GRIP1: variants seen among roughly 807,000 people sequenced by gnomAD.
GRIP1 encodes the protein glutamate receptor interacting protein 1.
GRIP1 carries 45 observed loss-of-function variants against 129.9 expected under a neutral mutation model. The observed-to-expected ratio is 0.35, with a 90% CI of 0.27 to 0.44. The LOEUF is 0.44. GRIP1 is among the 20% of genes least tolerant of loss of function. GRIP1 has a pLI of 1.00. For missense variants in GRIP1, 1,196 were observed against 1,396.8 expected (o/e 0.86, Z 2.29); for synonymous variants, 530 against 520.8 (o/e 1.02, Z -0.24).
rs1399033407 is a variant in GRIP1 at position 66,392,590 on chromosome 12, T to G, written c.2269+87A>C. 5.1e-6 allele frequency: 8 copies of G among 1,582,646 alleles called. No homozygotes were observed. In the Admixed American group the frequency reaches 1.0e-4, roughly 20 times the overall value. On this transcript the variant is annotated intron_variant, in intron 18 of 24. Coordinates refer to ENST00000359742, the MANE Select transcript of GRIP1 (RefSeq NM_001366722.1). ...CTCCGTGGCTAGAGATTTGTTTCCC[T>G]AGAATTACACACAGACACTAGCACA...
intron 7 of GRIP1, among the ~76,000 whole-genome samples, chr12:66,486,270 TA>T (rs1375786905): frequency 6.6e-6 from 1 of 150,876 alleles, no homozygotes; most frequent in African/African-American, 2.4e-5. Context: ...ACATGGTTTA[TA>T]TATATATATA....
chr12:66,962,324 T>C (rs763514011), intron 1 of GRIP1, among the ~76,000 whole-genome samples: 3 of 152,128 alleles, frequency 2.0e-5, no homozygotes, highest in Admixed American at 1.3e-4. Context: ...AACTTCCACA[T>C]TGAACTTCAA....
intron 1 of GRIP1, among the ~76,000 whole-genome samples, chr12:66,996,523 C>T (rs1479937564): frequency 6.6e-6 from 1 of 152,278 alleles, no homozygotes; most frequent in East Asian, 1.9e-4. Flanking sequence ...ACCTCTTCTA[C>T]ATCACAATTA....
chr12:66,700,582 G>A (rs1338176575), intron 1 of GRIP1, among the ~76,000 whole-genome samples: 1 of 152,122 alleles, frequency 6.6e-6, no homozygotes, highest in Non-Finnish European at 1.5e-5. Flanking sequence ...TGAGTAGCTA[G>A]GATGACAGGT....
intron 19 of GRIP1, among the ~76,000 whole-genome samples, chr12:66,380,832 G>A (rs2056072815): frequency 6.6e-6 from 1 of 152,174 alleles, no homozygotes; most frequent in Non-Finnish European, 1.5e-5. Flanking sequence ...GTTGTGACTT[G>A]TGTGTGTGCA....
chr12:66,929,926 T>C (rs1318702987), intron 1 of GRIP1, among the ~76,000 whole-genome samples: 1 of 152,184 alleles, frequency 6.6e-6, no homozygotes, highest in Non-Finnish European at 1.5e-5. Context: ...ACATTTTTCA[T>C]TATGCCAATT....
chr12:66,485,883 A>G (rs565675913), intron 7 of GRIP1, among the ~76,000 whole-genome samples: 3 of 152,198 alleles, frequency 2.0e-5, no homozygotes, highest in East Asian at 3.9e-4. Context: ...ACAGATTAAT[A>G]TATATATTCA....
Position 66,743,384 on chromosome 12 carries a change from G to A in GRIP1, c.-420+60669C>T, listed in dbSNP as rs75893175. On this transcript the variant is annotated intron_variant, in intron 1 of 4. Transcript: ENST00000538373. ...TTGCTATTATCCAAGCTGGTGGAGT[G>A]ACCAGGGAAACTTTATTATGAATCC... Among the ~76,000 whole-genome samples, 413 of 152,148 alleles carry A rather than the reference G, an allele frequency of 2.7e-3. 5 individuals carry two copies. The East Asian group carries it at 0.056, about 20-fold the overall frequency.
At chr12:66,624,623 C>T (rs1213587852) in intron 1 of GRIP1, among the ~76,000 whole-genome samples, 1 of 152,212 alleles carries the variant, frequency 6.6e-6, no homozygotes, top group Middle Eastern at 3.4e-3. Context: ...AAGTACTAGG[C>T]TGATGGATAA....
At chr12:66,580,314 T>C (rs1195052261) in intron 2 of GRIP1, among the ~76,000 whole-genome samples, 1 of 150,500 alleles carries the variant, frequency 6.6e-6, no homozygotes, top group East Asian at 1.9e-4. Flanking sequence ...TGCCAAAATG[T>C]AAAGACCATC....
chr12:66,579,447 C>T (rs866671664), intron 2 of GRIP1, among the ~76,000 whole-genome samples: 2,181 of 152,054 alleles, frequency 0.014, 59 homozygotes, highest in African/African-American at 0.05. Flanking sequence ...AGGCTTCAGA[C>T]GATCAAACTA....
At chr12:66,551,191 C>G (rs1565853219) in intron 2 of GRIP1, among the ~76,000 whole-genome samples, 1 of 152,180 alleles carries the variant, frequency 6.6e-6, no homozygotes, top group African/African-American at 2.4e-5. Flanking sequence ...AATTGCCAGA[C>G]TCTGTGGTAG....
rs74783021 is a variant in GRIP1, at chr12:67,002,270, C to A, written c.58+66780G>T. On this transcript the variant is annotated intron_variant, in intron 1 of 1. Coordinates refer to the GRIP1 transcript ENST00000643019. ...ACATAGTGTTTGTGAATTATACAAT[C>A]TGTCAAAAACTGAAGACAACCTGAA... Among the ~76,000 whole-genome samples the A allele has an allele frequency of 3.1e-4, 47 of 152,312 alleles. No individual in the cohort carries two copies. The East Asian group carries it at 8.1e-3, about 26-fold the overall frequency.
At chr12:67,043,692 C>G (rs994058844) in intron 1 of GRIP1, among the ~76,000 whole-genome samples, 19 of 152,112 alleles carry the variant, frequency 1.2e-4, no homozygotes, top group African/African-American at 4.1e-4. Flanking sequence ...GTTGCTCTCT[C>G]CCTTATCAGT....
intron 1 of GRIP1, among the ~76,000 whole-genome samples, chr12:66,654,593 C>G (rs750259591): frequency 2.0e-5 from 3 of 151,952 alleles, no homozygotes; most frequent in Non-Finnish European, 4.4e-5. Flanking sequence ...ATGTAAATAC[C>G]AGGAAGAGAA....
At chr12:66,416,727 A>G (rs1011982995) in intron 15 of GRIP1, among the ~76,000 whole-genome samples, 5 of 152,192 alleles carry the variant, frequency 3.3e-5, no homozygotes, top group African/African-American at 1.2e-4. Flanking sequence ...CAAAACCTGA[A>G]CAGACCAATA....
intron 7 of GRIP1, among the ~76,000 whole-genome samples, chr12:66,473,447 C>T (rs1398971060): frequency 6.6e-6 from 1 of 152,196 alleles, no homozygotes; most frequent in Non-Finnish European, 1.5e-5. Flanking sequence ...AAGAGAGCAG[C>T]AGATCTCCCA....
At chr12:66,934,489 G>A (rs1052661579) in intron 1 of GRIP1, among the ~76,000 whole-genome samples, 1 of 152,172 alleles carries the variant, frequency 6.6e-6, no homozygotes, top group African/African-American at 2.4e-5. Context: ...TGAAAGGGGC[G>A]ATACAGTCCT....
chr12:66,883,785 C>A (rs958905234), intron 1 of GRIP1, among the ~76,000 whole-genome samples: 1 of 152,198 alleles, frequency 6.6e-6, no homozygotes, highest in Non-Finnish European at 1.5e-5. Flanking sequence ...GAGAAGAGGG[C>A]AGATCGGGTT....
Sources: gnomAD v4.1 joint callset for allele counts (sites outside exome capture counted in the v4.1 genomes callset) on GRCh38, gnomAD v4.1.1 for gene constraint, MANE v1.5 for transcripts, NCBI Gene and HGNC (gene_info 2026-07-23, HGNC 2026-07-21) for gene names.